The following ANKRD17 variants were observed in gnomAD, a reference collection of about 807,000 sequenced individuals.
The protein encoded by ANKRD17 is ankyrin repeat domain 17.
A neutral mutation model predicts 229.7 loss-of-function variants in ANKRD17; 19 were observed. The ratio of observed to expected loss-of-function variants is 0.08; its 90% confidence interval spans 0.06 to 0.12. The LOEUF (loss-of-function observed/expected upper bound fraction) is 0.12, where lower values mean the gene tolerates loss of function less well. Ranked by LOEUF, ANKRD17 falls within the 10% of genes least tolerant of loss-of-function variation. ANKRD17 has a pLI of 1.00. For missense variants in ANKRD17, 2,176 were observed against 3,176.8 expected, an observed-to-expected ratio of 0.68 and a Z score of 7.57; for synonymous variants, 1,112 against 1,146.1, an observed-to-expected ratio of 0.97 and a Z score of 0.60.
At chr4:73,222,848 T>A in intron 1 of ANKRD17, 1 of 757,888 alleles carries the variant, frequency 1.3e-6, no homozygotes, top group East Asian at 2.7e-5. Flanking sequence ...TCTGACCGTG[T>A]CTTGCTTTTA....
At position 73,156,124 on chromosome 4, in the gene ANKRD17, A is replaced by G; in HGVS notation, c.747T>C (p.Ala249=). 1 of 1,612,406 alleles carries G rather than the reference A, an allele frequency of 6.2e-7. No individual in the cohort carries two copies. Among genetic ancestry groups the G allele is most frequent in the Non-Finnish European group, 8.5e-7 (1 of 1,179,690 alleles). ...GCCCTTCAATGAGTAACTTTCGCAC[A>G]GCATTTACATCTCCTTCTGAACAGG... is the stretch of plus-strand genomic sequence containing the variant. ...AEACSEGDVN[A]VRKLLIEGRS... Residue 249 remains alanine, a synonymous_variant, in exon 4 of 34, where the codon GCT becomes GCC. Transcript: ENST00000358602.
intron 16 of ANKRD17, among the ~76,000 whole-genome samples, chr4:73,130,652 T>G (rs1251302579): frequency 1.3e-5 from 2 of 151,374 alleles, no homozygotes; most frequent in South Asian, 4.2e-4. Context: ...AATAAGGTAC[T>G]CCAAGTTCAA....
chr4:73,258,484 A>T lies in ANKRD17; in HGVS notation c.185T>A (p.Leu62Gln). 6.3e-7 allele frequency: 1 copy of T among 1,583,562 alleles called. No homozygotes were observed. The highest frequency in any genetic ancestry group is 8.6e-7 in the Non-Finnish European group (1 of 1,166,316). The stretch of plus-strand genomic sequence containing the variant: ...CTGCTGCTGCGGCGGCTTCTTCTTC[A>T]GGAGCAGGTCGCAGACTCGCACCAT... Reference protein sequence around the residue: ...RGMVRVCDLLLKKKPPQQQHH... With the variant: ...RGMVRVCDLLQKKKPPQQQHH... Residue 62 changes from leucine (L) to glutamine (Q), a missense_variant, in exon 1 of 34, where the codon CTG becomes CAG. By Grantham distance (113) the Leu-to-Gln change is moderately radical. This residue lies in a region of ANKRD17 where 196 missense variants were observed against 190.0 expected (regional missense o/e 1.03). Coordinates refer to ENST00000358602, the MANE Select transcript of ANKRD17 (RefSeq NM_032217.5).
chr4:73,076,878 T>C (rs1298290677), intron 33 of ANKRD17, 62 bp downstream of exon 33: 2 of 1,527,224 alleles, frequency 1.3e-6, no homozygotes, highest in African/African-American at 2.8e-5. Context: ...ACCTGAATCC[T>C]ATTTGTCTTT....
intron 1 of ANKRD17, among the ~76,000 whole-genome samples, chr4:73,178,831 C>A (rs761295219): frequency 6.6e-6 from 1 of 151,942 alleles, no homozygotes; most frequent in Non-Finnish European, 1.5e-5. Context: ...GTGCTACTTA[C>A]AAATAGGTAC....
chr4:73,149,627 G>A (rs1730738176), intron 7 of ANKRD17, among the ~76,000 whole-genome samples: 2 of 152,240 alleles, frequency 1.3e-5, no homozygotes, highest in South Asian at 4.1e-4. Context: ...AGGACTTTGG[G>A]TGGCTGAGGA....
At chr4:73,211,858 A>G (rs1468884943) in intron 1 of ANKRD17, among the ~76,000 whole-genome samples, 1 of 151,984 alleles carries the variant, frequency 6.6e-6, no homozygotes, top group Non-Finnish European at 1.5e-5. Flanking sequence ...AAAAAAAAAA[A>G]AAAAAAAAAA....
At chr4:73,236,508 T>C (rs1743524865) in intron 1 of ANKRD17, among the ~76,000 whole-genome samples, 1 of 152,156 alleles carries the variant, frequency 6.6e-6, no homozygotes, top group Non-Finnish European at 1.5e-5. Context: ...CAAATACCTA[T>C]GCCTCAAAAA....
intron 1 of ANKRD17, among the ~76,000 whole-genome samples, chr4:73,231,361 AC>A (rs1743025766): frequency 6.6e-6 from 1 of 152,202 alleles, no homozygotes; most frequent in Admixed American, 6.5e-5. Context: ...CATTGCTATC[AC>A]TGGCTCTCCT....
At chr4:73,226,315 T>C (rs905536023) in intron 1 of ANKRD17, among the ~76,000 whole-genome samples, 15 of 151,500 alleles carry the variant, frequency 9.9e-5, no homozygotes, top group Admixed American at 3.3e-4. Flanking sequence ...GATAAGAGAA[T>C]TGTCTGATAT....
intron 1 of ANKRD17, among the ~76,000 whole-genome samples, chr4:73,184,528 C>CAAAAAAAAAAA (rs776930137): frequency 6.0e-4 from 18 of 29,966 alleles, no homozygotes; most frequent in African/African-American, 7.8e-4. Context: ...GACTTCCTCT[C>CAAAAAAAAAAA]AAAAAAAAAA....
chr4:73,078,939 G>A, intron 30 of ANKRD17, 49 bp from the exon 31 acceptor site: 3 of 1,524,276 alleles, frequency 2.0e-6, no homozygotes, highest in East Asian at 2.3e-5. Flanking sequence ...TATAGAACAT[G>A]TAATTTTATA....
Position 73,091,829 on chromosome 4 carries a change from G to A in ANKRD17, c.5799C>T (p.Ser1933=), listed in dbSNP as rs1223136718. 3.1e-6 allele frequency: 5 copies of A among 1,614,164 alleles called. No individual in the cohort carries two copies. The highest frequency in any genetic ancestry group is 3.4e-6 in the Non-Finnish European group (4 of 1,180,032). Residue 1933 remains serine, a synonymous_variant, in exon 29 of 34, where the codon AGC becomes AGT. Coordinates refer to ENST00000358602, the MANE Select transcript of ANKRD17 (RefSeq NM_032217.5). ...TWGPFPVRPL[S]PARATNSPKP... Reference sequence around the variant, plus strand: ...TAGGCGAGTTAGTAGCTCTGGCAGGGCTCAAAGGCCTGACAGGAAACGGAC... The same window carrying A: ...TAGGCGAGTTAGTAGCTCTGGCAGGACTCAAAGGCCTGACAGGAAACGGAC...
intron 1 of ANKRD17, among the ~76,000 whole-genome samples, chr4:73,248,147 C>A (rs1231895928): frequency 1.3e-5 from 2 of 151,852 alleles, no homozygotes; most frequent in Non-Finnish European, 2.9e-5. Flanking sequence ...ATAAAACCTT[C>A]AAGGTAAAAT....
chr4:73,168,113 A>G (rs1218128776), intron 2 of ANKRD17, among the ~76,000 whole-genome samples: 3 of 142,228 alleles, frequency 2.1e-5, no homozygotes, highest in Non-Finnish European at 4.5e-5. Context: ...AGATCCCACC[A>G]CTGTACTCCA....
chr4:73,144,721 G>A (rs1278736327), intron 11 of ANKRD17, 24 bp downstream of exon 11: 30 of 1,486,672 alleles, frequency 2.0e-5, no homozygotes, highest in Non-Finnish European at 2.6e-5. Flanking sequence ...TTCAAAAAAA[G>A]ACAACTGTTT....
In ANKRD17 at chr4:73,258,612, G is replaced by A; in HGVS notation, c.57C>T (p.Ser19=). ...CCGCCACAGCCGCCACCGCCGGGGG[G>A]CTCCCTTCTCCTTCTGCAGCCGTCG... ...AAATAAEGEG[S]PPAVAAVAGP... The change falls in exon 1 of 34, where the codon AGC becomes AGT. Residue 19 remains serine, a synonymous_variant. Transcript: ENST00000358602. The A allele has an allele frequency of 1.4e-6, 2 of 1,479,582 alleles. No homozygotes were observed. The highest frequency in any genetic ancestry group is 2.4e-5 in the Admixed American group (1 of 41,392). The allele number at this position is 1,479,582 out of a possible 1,614,324, so 91.7% of individuals were successfully genotyped here.
rs1720911469 is a variant in ANKRD17, at chr4:73,074,969, A to T, written c.*1262T>A. ...GCCTTGTATCTTTTATAAACAGGTT[A>T]AATGGAGACTTTACACTGTAATCTG... On this transcript the variant is annotated 3_prime_UTR_variant, in exon 34 of 34. Coordinates refer to ENST00000358602, the MANE Select transcript of ANKRD17 (RefSeq NM_032217.5). The T allele has an allele frequency of 6.6e-6, 1 of 152,468 alleles. No individual in the cohort carries two copies. The highest frequency in any genetic ancestry group is 1.5e-5 in the Non-Finnish European group (1 of 67,902). The allele number at this position is 152,468 out of a possible 1,614,324, so 9.4% of individuals were successfully genotyped here. A position where few individuals can be genotyped will look rare whatever the true frequency, so the allele number is the denominator to read the frequency against.
chr4:73,085,603 C>G (rs1353154716), intron 29 of ANKRD17, among the ~76,000 whole-genome samples, 157 bp from the exon 30 acceptor site: 1 of 150,402 alleles, frequency 6.6e-6, no homozygotes, highest in Non-Finnish European at 1.5e-5. Flanking sequence ...AATCCCAGCA[C>G]TTTGGGAGGC....
Sources: gnomAD v4.1 joint callset for allele counts (sites outside exome capture counted in the v4.1 genomes callset) on GRCh38, gnomAD v4.1.1 for gene constraint, gnomAD v4.1.1 regional missense constraint, MANE v1.5 for transcripts, NCBI Gene and HGNC (gene_info 2026-07-23, HGNC 2026-07-21) for gene names.